Variants in PPARA observed in about 807,000 individuals in gnomAD.
PPARA encodes peroxisome proliferator-activated receptor alpha.
A neutral mutation model predicts 42.2 loss-of-function variants in PPARA; 22 were observed. The ratio of observed to expected loss-of-function variants is 0.52; its 90% CI spans 0.37 to 0.74. PPARA has a LOEUF of 0.74. Ranked by LOEUF, PPARA falls within the 30% of genes least tolerant of loss-of-function variation. The probability of loss-of-function intolerance (pLI) is 0.00; values close to 1 mark genes in which losing one functional copy is unlikely to be tolerated. For missense variants in PPARA, 465 were observed against 608.2 expected, an observed-to-expected ratio of 0.76 and a Z score of 2.48; for synonymous variants, 242 against 239.3, an observed-to-expected ratio of 1.01 and a Z score of -0.10.
chr22:46,171,223 G>A lies in PPARA; in HGVS notation c.-126-5530G>A, dbSNP rs6007981. ...GCCTGGGGTGGGGCTGGCAGATGCC[G>A]AGTCATCTATTTTGGCCAGAGTTCA... On this transcript the variant is annotated intron_variant, in intron 2 of 8. Coordinates refer to ENST00000407236, the MANE Select transcript of PPARA (RefSeq NM_005036.6). This position sits in a 1 kb window ranked among gnomAD's most constrained non-coding sequence, Gnocchi z 5.0. 6,178 of 152,348 alleles carry A rather than the reference G, an allele frequency of 0.041. 415 individuals are homozygous for A. The highest frequency in any genetic ancestry group is 0.14 in the African/African-American group (5,800 of 41,506). 9.4% of individuals were successfully genotyped at this position (152,348 alleles called of 1,614,324 possible).
At chr22:46,223,625 A>G (rs1016709226) in intron 7 of PPARA, among the ~76,000 whole-genome samples, 2 of 145,002 alleles carry the variant, frequency 1.4e-5, no homozygotes. Flanking sequence ...CCTGGGTGAC[A>G]GAGCGAGACT....
Position 46,231,892 on chromosome 22 carries a change from G to A in PPARA, c.812G>A (p.Arg271His), listed in dbSNP as rs371950309. Residue 271 changes from arginine (R) to histidine (H), a missense_variant, in exon 8 of 9, where the codon CGC (arginine) becomes CAC (histidine). Coordinates refer to ENST00000407236, the MANE Select transcript of PPARA (RefSeq NM_005036.6). This position sits in a 1 kb window ranked among gnomAD's most constrained non-coding sequence, Gnocchi z 7.7. ...NGIQNKEAEV[R>H]IFHCCQCTSV... ...ATCCAGAACAAGGAGGCGGAGGTCC[G>A]CATCTTTCACTGCTGCCAGTGCACG... The A allele has an allele frequency of 1.2e-6, 2 of 1,613,970 alleles. No homozygotes were observed. The highest frequency in any genetic ancestry group is 1.7e-6 in the Non-Finnish European group (2 of 1,179,980).
At position 46,192,006 on chromosome 22, in the gene PPARA, G is replaced by A. The variant is rs181137664; in HGVS notation, c.-42-6336G>A. On this transcript the variant is annotated intron_variant, in intron 3 of 8. Coordinates refer to ENST00000407236, the MANE Select transcript of PPARA (RefSeq NM_005036.6). This position sits in a 1 kb window ranked among gnomAD's most constrained non-coding sequence, Gnocchi z 4.3. ...CTTGAACCCGTGAAACGGAAGTTGC[G>A]GTGAGCCGAGATCACGCCACTGTAC... Among the ~76,000 whole-genome samples, 484 of 152,260 alleles carry A rather than the reference G, an allele frequency of 3.2e-3. 6 individuals carry two copies. Among genetic ancestry groups the A allele is most frequent in the African/African-American group, 0.011 (455 of 41,568 alleles).
Position 46,161,237 on chromosome 22 carries a change from T to G in PPARA, c.-127+9267T>G, listed in dbSNP as rs1480974706. 6.6e-6 allele frequency among the ~76,000 whole-genome samples: 1 copy of G among 152,210 alleles called. No individual in the cohort carries two copies. The highest frequency in any genetic ancestry group is 1.5e-5 in the Non-Finnish European group (1 of 68,034). Reference sequence around the variant, plus strand: ...TCAAATGTGGGCTTTCTTAGTAGATTAAATCATTTTCTAGAAGGAATTTCA... The same window carrying G: ...TCAAATGTGGGCTTTCTTAGTAGATGAAATCATTTTCTAGAAGGAATTTCA... On this transcript the variant is annotated intron_variant, in intron 2 of 8. Coordinates refer to ENST00000407236, the MANE Select transcript of PPARA (RefSeq NM_005036.6). This position sits in a 1 kb window ranked among gnomAD's most constrained non-coding sequence, Gnocchi z 4.8.
At position 46,165,952 on chromosome 22, in the gene PPARA, T is replaced by G. The variant is rs915649048; in HGVS notation, c.-126-10801T>G. On this transcript the variant is annotated intron_variant, in intron 2 of 8. Coordinates refer to ENST00000407236, the MANE Select transcript of PPARA (RefSeq NM_005036.6). The surrounding 1 kb of genome is among the most constrained non-coding windows in gnomAD (Gnocchi z 5.5). Reference sequence around the variant, plus strand: ...GGCCAAGGCGGGTGAATTGCTTGAGTCTGGGAGTTGGAGACCGGCCTGGGC... The same window carrying G: ...GGCCAAGGCGGGTGAATTGCTTGAGGCTGGGAGTTGGAGACCGGCCTGGGC... 2.0e-5 allele frequency among the ~76,000 whole-genome samples: 3 copies of G among 151,294 alleles called. No homozygotes were observed. Among genetic ancestry groups the G allele is most frequent in the Admixed American group, 1.3e-4 (2 of 15,222 alleles).
At chr22:46,197,556 T>C (rs1458605129) in intron 3 of PPARA, among the ~76,000 whole-genome samples, 2 of 152,168 alleles carry the variant, frequency 1.3e-5, no homozygotes, top group African/African-American at 2.4e-5. Context: ...GGTGCTCCTG[T>C]GTAGATGATG....
intron 7 of PPARA, among the ~76,000 whole-genome samples, chr22:46,229,039 G>A (rs1254147645): frequency 3.3e-5 from 5 of 151,706 alleles, no homozygotes; most frequent in South Asian, 2.1e-4. Flanking sequence ...CCCGGGAGGC[G>A]GAGCTTGCTG....
At position 46,161,901 on chromosome 22, in the gene PPARA, T is replaced by C. The variant is rs1926236363; in HGVS notation, c.-127+9931T>C. Among the ~76,000 whole-genome samples, 1 of 152,136 alleles carries C rather than the reference T, an allele frequency of 6.6e-6. No individual in the cohort carries two copies. The highest frequency in any genetic ancestry group is 1.5e-5 in the Non-Finnish European group (1 of 68,002). ...CCCCTGTACGTCACCATCACCTTTG[T>C]GAGCTTGAAACCTGTCACCCACCCG... On this transcript the variant is annotated intron_variant, in intron 2 of 8. Transcript: ENST00000407236. This position sits in a 1 kb window ranked among gnomAD's most constrained non-coding sequence, Gnocchi z 4.8.
chr22:46,176,941 T>G (rs1929157917), intron 3 of PPARA, 105 bp downstream of exon 3: 1 of 152,320 alleles, frequency 6.6e-6, no homozygotes, highest in African/African-American at 2.4e-5. Flanking sequence ...CCGGGCGCAG[T>G]GGCTCACGCC....
intron 3 of PPARA, among the ~76,000 whole-genome samples, chr22:46,181,916 C>A (rs1331631312): frequency 1.3e-5 from 2 of 152,220 alleles, no homozygotes; most frequent in African/African-American, 4.8e-5. Context: ...TTAGGAAAGA[C>A]CTGTTCTACT....
At position 46,227,195 on chromosome 22, in the gene PPARA, A is replaced by G. The variant is rs1935527723; in HGVS notation, c.712-4597A>G. Among the ~76,000 whole-genome samples, 1 of 146,210 alleles carries G rather than the reference A, an allele frequency of 6.8e-6. No individual in the cohort carries two copies. ...ATGTATAGTAAAACATAACCAAGAG[A>G]GCTTATTAAATAATTTCATCCAAAG... is the stretch of plus-strand genomic sequence containing the variant. On this transcript the variant is annotated intron_variant, in intron 7 of 8. Coordinates refer to ENST00000407236, the MANE Select transcript of PPARA (RefSeq NM_005036.6). This position sits in a 1 kb window ranked among gnomAD's most constrained non-coding sequence, Gnocchi z 4.3.
chr22:46,219,669 G>A lies in PPARA; in HGVS notation c.509-143G>A. On this transcript the variant is annotated intron_variant, in intron 6 of 8. Transcript: ENST00000407236. The surrounding 1 kb of genome is among the most constrained non-coding windows in gnomAD (Gnocchi z 4.8). ...GTTTTTCATCTCTCCATAGTGGAAA[G>A]CCGAATAGTAATGAAGGATGGGTCT... 2 of 796,354 alleles carry A rather than the reference G, an allele frequency of 2.5e-6. No homozygotes were observed. The highest frequency in any genetic ancestry group is 4.2e-6 in the Non-Finnish European group (2 of 473,390). 49.3% of individuals were successfully genotyped at this position (796,354 alleles called of 1,614,324 possible). A position where few individuals can be genotyped will look rare whatever the true frequency, so the allele number is the denominator to read the frequency against.
At chr22:46,186,453 G>A (rs1314628760) in intron 3 of PPARA, among the ~76,000 whole-genome samples, 1 of 152,166 alleles carries the variant, frequency 6.6e-6, no homozygotes, top group East Asian at 1.9e-4. Context: ...ATGATTCAAG[G>A]ATGAAGGCGT....
chr22:46,225,571 A>G lies in PPARA; in HGVS notation c.711+5557A>G, dbSNP rs1269683716. Among the ~76,000 whole-genome samples the G allele has an allele frequency of 6.6e-6, 1 of 152,036 alleles. No individual in the cohort carries two copies. Among genetic ancestry groups the G allele is most frequent in the Non-Finnish European group, 1.5e-5 (1 of 67,980 alleles). On this transcript the variant is annotated intron_variant, in intron 7 of 8. Transcript: ENST00000407236. The surrounding 1 kb of genome is among the most constrained non-coding windows in gnomAD (Gnocchi z 4.1). The stretch of plus-strand genomic sequence containing the variant: ...TACACACACATACACGTGCACCCAC[A>G]TGCATGCTCACACACATGCACCCAC...
At position 46,230,534 on chromosome 22, in the gene PPARA, C is replaced by A. The variant is rs1478866463; in HGVS notation, c.712-1258C>A. 6.6e-6 allele frequency among the ~76,000 whole-genome samples: 1 copy of A among 152,184 alleles called. No homozygotes were observed. Among genetic ancestry groups the A allele is most frequent in the Non-Finnish European group, 1.5e-5 (1 of 68,030 alleles). Reference sequence around the variant, plus strand: ...ACAGCAGTGTTTGTGCTCATTTTCCCCGGCTCTCCCACACATGTAATCCCT... The same window carrying A: ...ACAGCAGTGTTTGTGCTCATTTTCCACGGCTCTCCCACACATGTAATCCCT... On this transcript the variant is annotated intron_variant, in intron 7 of 8. Coordinates refer to ENST00000407236, the MANE Select transcript of PPARA (RefSeq NM_005036.6). The surrounding 1 kb of genome is among the most constrained non-coding windows in gnomAD (Gnocchi z 5.0).
chr22:46,189,160 C>T (rs1931217631), intron 3 of PPARA, among the ~76,000 whole-genome samples: 1 of 152,236 alleles, frequency 6.6e-6, no homozygotes, highest in Non-Finnish European at 1.5e-5. Flanking sequence ...GCAACGGACA[C>T]AAAATGTGTC....
chr22:46,206,700 C>T (rs1046276468), intron 4 of PPARA, among the ~76,000 whole-genome samples: 7 of 152,102 alleles, frequency 4.6e-5, no homozygotes, highest in South Asian at 2.1e-4. Flanking sequence ...CATAGACAGC[C>T]GGTTATCTTT....
rs961926784 is a variant in PPARA, at chr22:46,212,354, G to C, written c.209-2819G>C. Among the ~76,000 whole-genome samples, 2 of 152,092 alleles carry C rather than the reference G, an allele frequency of 1.3e-5. No homozygotes were observed. The highest frequency in any genetic ancestry group is 4.8e-5 in the African/African-American group (2 of 41,392). ...TGACAGGCATGAGCTACCGTGCCCA[G>C]ACCACTGTTAGATTTTCATATGAAT... On this transcript the variant is annotated intron_variant, in intron 4 of 8. Transcript: ENST00000407236. The surrounding 1 kb of genome is among the most constrained non-coding windows in gnomAD (Gnocchi z 4.2).
At chr22:46,202,269 G>A (rs959687129) in intron 4 of PPARA, among the ~76,000 whole-genome samples, 3 of 152,114 alleles carry the variant, frequency 2.0e-5, no homozygotes, top group Non-Finnish European at 4.4e-5. Context: ...TAAAAGTAGT[G>A]TCTTTTAGGT....
Sources: allele counts gnomAD v4.1 joint callset (sites outside exome capture counted in the v4.1 genomes callset), GRCh38; gene constraint gnomAD v4.1.1; non-coding constraint Gnocchi (gnomAD v3.1); transcripts MANE v1.5; gene names NCBI Gene and HGNC (gene_info 2026-07-23, HGNC 2026-07-21).